Variants in PHF21B observed in about 807,000 individuals in gnomAD.
PHF21B encodes the protein PHD finger protein 4.
Under a neutral mutation model 62.2 loss-of-function variants are expected in PHF21B, and 22 were observed. The observed-to-expected ratio is 0.35, with a 90% CI of 0.25 to 0.51. PHF21B has a LOEUF of 0.51. Ranked by LOEUF, PHF21B falls within the 20% of genes least tolerant of loss-of-function variation. The pLI is 0.97. For missense variants in PHF21B, 701 were observed against 707.9 expected (o/e 0.99, Z 0.11); for synonymous variants, 341 against 314.7 (o/e 1.08, Z -0.88).
intron 2 of PHF21B, among the ~76,000 whole-genome samples, chr22:44,959,727 A>G (rs1019222082): frequency 2.0e-5 from 3 of 152,196 alleles, no homozygotes; most frequent in African/African-American, 4.8e-5. Flanking sequence ...TTCATGGAGG[A>G]GCTGATCACT....
At chr22:44,995,832 G>C (rs929661011) in intron 2 of PHF21B, among the ~76,000 whole-genome samples, 1 of 149,768 alleles carries the variant, frequency 6.7e-6, no homozygotes, top group African/African-American at 2.5e-5. Context: ...TGATTCGGGG[G>C]AAAGACAGAC....
At chr22:44,884,808 TCATCAC>T (rs1195993881) in intron 12 of PHF21B, among the ~76,000 whole-genome samples, 3 of 149,636 alleles carry the variant, frequency 2.0e-5, no homozygotes, top group Admixed American at 1.3e-4. Flanking sequence ...CACCATATCA[TCATCAC>T]CATCACCATC....
intron 2 of PHF21B, among the ~76,000 whole-genome samples, chr22:44,943,259 T>C (rs893239357): frequency 6.6e-6 from 1 of 152,116 alleles, no homozygotes; most frequent in Non-Finnish European, 1.5e-5. Context: ...TCCCTGTGCC[T>C]GTCCCCCAGT....
In PHF21B at chr22:44,914,841, G is replaced by A. The variant is rs140703075; in HGVS notation, c.565-753C>T. 3.5e-4 allele frequency among the ~76,000 whole-genome samples: 54 copies of A among 152,218 alleles called. No homozygotes were observed. In the East Asian group the frequency reaches 9.3e-3, roughly 26 times the overall value. On this transcript the variant is annotated intron_variant, in intron 4 of 12. Transcript: ENST00000313237. ...AAGTCAGCCTGAAATCCACCCATCCGGCCCAGCCTCTCCCTGGGCCAGGAT... is the reference window on the plus strand; with the variant it reads ...AAGTCAGCCTGAAATCCACCCATCCAGCCCAGCCTCTCCCTGGGCCAGGAT...
intron 2 of PHF21B, among the ~76,000 whole-genome samples, chr22:44,996,934 G>A (rs767859811): frequency 7.9e-5 from 12 of 151,940 alleles, no homozygotes; most frequent in Non-Finnish European, 1.2e-4. Flanking sequence ...ACACACACGC[G>A]CACATGCACA....
intron 2 of PHF21B, among the ~76,000 whole-genome samples, chr22:44,990,453 G>A (rs1195823121): frequency 2.6e-5 from 4 of 152,194 alleles, no homozygotes; most frequent in Non-Finnish European, 5.9e-5. Flanking sequence ...CACGGAGTAC[G>A]TGCAAGCAGT....
chr22:44,941,386 CCT>C (rs1213148070), intron 2 of PHF21B, among the ~76,000 whole-genome samples: 2 of 152,218 alleles, frequency 1.3e-5, no homozygotes, highest in Non-Finnish European at 2.9e-5. Flanking sequence ...CCAGTCCGTC[CCT>C]CTGTGACTCG....
At chr22:44,995,882 G>A (rs1215618465) in intron 2 of PHF21B, among the ~76,000 whole-genome samples, 2 of 151,496 alleles carry the variant, frequency 1.3e-5, no homozygotes, top group African/African-American at 2.4e-5. Context: ...TCTCCGCCGG[G>A]CCCCAGACGA....
At chr22:44,924,073 G>A (rs112855987) in intron 2 of PHF21B, among the ~76,000 whole-genome samples, 45,693 of 99,924 alleles carry the variant, frequency 0.46, 9,085 homozygotes, top group East Asian at 0.58. Flanking sequence ...GGAGGGAGGG[G>A]AGGGAAGAGG....
At chr22:44,972,779 C>G (rs960936923) in intron 2 of PHF21B, among the ~76,000 whole-genome samples, 10 of 152,220 alleles carry the variant, frequency 6.6e-5, no homozygotes, top group Non-Finnish European at 1.3e-4. Context: ...CTCTCCCTGT[C>G]CCAAAGCTGT....
Position 44,882,167 on chromosome 22 carries a change from T to C in PHF21B, c.*919A>G, listed in dbSNP as rs943225476. 6.6e-6 allele frequency: 1 copy of C among 152,668 alleles called. No individual in the cohort carries two copies. Among genetic ancestry groups the C allele is most frequent in the Non-Finnish European group, 1.5e-5 (1 of 68,058 alleles). 9.5% of individuals were successfully genotyped at this position (152,668 alleles called of 1,614,324 possible). ...CAAGAAGGGAGGAGTGGAATACTTA[T>C]CGGCTCTTCCAAAGGAGACAAGAAA... is the stretch of plus-strand genomic sequence containing the variant. On this transcript the variant is annotated 3_prime_UTR_variant, in exon 13 of 13. Transcript: ENST00000313237.
chr22:44,979,079 C>T (rs923300536), intron 2 of PHF21B, among the ~76,000 whole-genome samples: 133 of 152,262 alleles, frequency 8.7e-4, no homozygotes, highest in Non-Finnish European at 1.5e-4. Flanking sequence ...CCCTAGACCT[C>T]GCTGCCACGT....
intron 2 of PHF21B, among the ~76,000 whole-genome samples, chr22:44,929,192 T>C (rs760958447): frequency 1.3e-5 from 2 of 152,224 alleles, no homozygotes; most frequent in Non-Finnish European, 2.9e-5. Context: ...TAATATAACA[T>C]AAGCACCACT....
intron 2 of PHF21B, among the ~76,000 whole-genome samples, chr22:44,989,754 C>T (rs564012751): frequency 3.9e-5 from 6 of 151,990 alleles, no homozygotes; most frequent in African/African-American, 9.6e-5. Flanking sequence ...GGATTACAGG[C>T]GCACACCACC....
At chr22:44,883,898 T>A (rs994836595) in intron 12 of PHF21B, among the ~76,000 whole-genome samples, 14 of 152,044 alleles carry the variant, frequency 9.2e-5, no homozygotes, top group African/African-American at 3.1e-4. Flanking sequence ...GACACTGCAT[T>A]TAAAGAGCTT....
At chr22:44,999,074 G>A (rs906905342) in intron 2 of PHF21B, among the ~76,000 whole-genome samples, 2 of 152,138 alleles carry the variant, frequency 1.3e-5, no homozygotes, top group African/African-American at 4.8e-5. Context: ...CGTATAGTAC[G>A]GCCCAATCGG....
chr22:44,936,108 G>A (rs756329679), intron 2 of PHF21B, among the ~76,000 whole-genome samples: 7 of 152,234 alleles, frequency 4.6e-5, no homozygotes, highest in East Asian at 3.8e-4. Context: ...TCCAAATACC[G>A]TGGAGAACAT....
At chr22:44,961,892 A>ATAAATAAG (rs2072431028) in intron 2 of PHF21B, among the ~76,000 whole-genome samples, 1 of 147,976 alleles carries the variant, frequency 6.8e-6, no homozygotes. Context: ...AAATAAATAA[A>ATAAATAAG]TAAGTATAAT....
intron 2 of PHF21B, among the ~76,000 whole-genome samples, chr22:44,921,500 G>A (rs1379255478): frequency 1.3e-5 from 2 of 151,900 alleles, no homozygotes; most frequent in Non-Finnish European, 2.9e-5. Context: ...CCGAGTAGCT[G>A]GAACTACAGG....
Sources: gnomAD v4.1 joint callset for allele counts (sites outside exome capture counted in the v4.1 genomes callset) on GRCh38, gnomAD v4.1.1 for gene constraint, MANE v1.5 for transcripts, NCBI Gene and HGNC (gene_info 2026-07-23, HGNC 2026-07-21) for gene names.